The following ALDH1A2 variants were observed in gnomAD, a reference collection of about 807,000 sequenced individuals.
ALDH1A2 encodes the protein retinal dehydrogenase 2.
ALDH1A2 carries 27 observed loss-of-function variants against 60.3 expected under a neutral mutation model. The ratio of observed to expected loss-of-function variants is 0.45; its 90% CI spans 0.33 to 0.62. The LOEUF (loss-of-function observed/expected upper bound fraction) is 0.62. Among genes scored for constraint, ALDH1A2 ranks in the 20% least tolerant of loss-of-function variants. The probability of loss-of-function intolerance (pLI) is 0.02; values close to 1 mark genes in which losing one functional copy is unlikely to be tolerated. For missense variants in ALDH1A2, 581 were observed against 643.8 expected, an observed-to-expected ratio of 0.90 and a Z score of 1.06; for synonymous variants, 289 against 232.4, an observed-to-expected ratio of 1.24 and a Z score of -2.21.
chr15:57,964,146 T>C (rs1255901183), intron 8 of ALDH1A2, 77 bp from the exon 9 acceptor site: 11 of 1,509,762 alleles, frequency 7.3e-6, no homozygotes, highest in East Asian at 2.3e-5. Flanking sequence ...CCCTCCCCTC[T>C]CCAAAGCCCT....
At chr15:57,967,949 C>T (rs1325143387) in intron 7 of ALDH1A2, among the ~76,000 whole-genome samples, 6 of 152,124 alleles carry the variant, frequency 3.9e-5, no homozygotes, top group African/African-American at 1.4e-4. Flanking sequence ...TCTGGGAATG[C>T]TGAAAATTAT....
chr15:58,020,174 C>G (rs1161106364), intron 1 of ALDH1A2, among the ~76,000 whole-genome samples: 1 of 152,184 alleles, frequency 6.6e-6, no homozygotes, highest in East Asian at 1.9e-4. Flanking sequence ...CTTTGTATGG[C>G]TGCATAGTAT....
chr15:58,057,180 C>T (rs1028010107), intron 1 of ALDH1A2, among the ~76,000 whole-genome samples: 1 of 151,926 alleles, frequency 6.6e-6, no homozygotes, highest in Non-Finnish European at 1.5e-5. Flanking sequence ...ATGTCAAGAG[C>T]AGAAACTAAA....
intron 4 of ALDH1A2, among the ~76,000 whole-genome samples, chr15:58,001,052 AAG>A (rs1555402199): frequency 4.0e-5 from 6 of 151,244 alleles, no homozygotes; most frequent in African/African-American, 1.2e-4. Flanking sequence ...AAAAAAAAAA[AAG>A]AATGAAAACA....
intron 3 of ALDH1A2, chr15:58,012,010 T>C (rs1197805477): frequency 6.6e-6 from 1 of 152,162 alleles, no homozygotes; most frequent in Non-Finnish European, 1.5e-5. Context: ...GTGTTTACTT[T>C]GGATGCAGGA....
intron 4 of ALDH1A2, among the ~76,000 whole-genome samples, chr15:58,003,961 G>GGAAACAACATCAAGACTCTTGT (rs60119782): frequency 1.4e-3 from 208 of 151,962 alleles, no homozygotes; most frequent in African/African-American, 4.7e-3. Context: ...GTGTTGTAAA[G>GGAAACAACATCAAGACTCTTGT]GAAACAACAT....
intron 1 of ALDH1A2, among the ~76,000 whole-genome samples, chr15:58,057,410 T>G (rs2140580490): frequency 6.6e-6 from 1 of 152,286 alleles, no homozygotes; most frequent in South Asian, 2.1e-4. Flanking sequence ...TACATATACC[T>G]ATAGTGAAGA....
intron 1 of ALDH1A2, among the ~76,000 whole-genome samples, chr15:58,058,747 G>T (rs1282011595): frequency 2.6e-5 from 4 of 152,184 alleles, no homozygotes; most frequent in African/African-American, 9.7e-5. Flanking sequence ...AGGTCAGACA[G>T]TGATGAGGAA....
intron 1 of ALDH1A2, among the ~76,000 whole-genome samples, chr15:58,031,194 C>T (rs890705355): frequency 1.3e-5 from 2 of 152,090 alleles, no homozygotes; most frequent in South Asian, 2.1e-4. Context: ...ACAACAGAGG[C>T]CTCAGAAATA....
chr15:58,023,469 T>C (rs1453500683), intron 1 of ALDH1A2, among the ~76,000 whole-genome samples: 3 of 152,102 alleles, frequency 2.0e-5, no homozygotes, highest in Admixed American at 1.3e-4. Context: ...AGATACAATA[T>C]GAAAAGGTTT....
chr15:58,060,469 T>C (rs1897000180), intron 1 of ALDH1A2, among the ~76,000 whole-genome samples: 1 of 143,678 alleles, frequency 7.0e-6, no homozygotes, highest in Non-Finnish European at 1.5e-5. Flanking sequence ...ATATCTTTTT[T>C]TTTTTTTTTT....
At chr15:57,956,580 C>T (rs907189273) in intron 12 of ALDH1A2, among the ~76,000 whole-genome samples, 2 of 152,084 alleles carry the variant, frequency 1.3e-5, no homozygotes, top group East Asian at 1.9e-4. Flanking sequence ...TTCTCCTGTC[C>T]GTATAGTTCA....
chr15:57,960,799 T>C lies in ALDH1A2; in HGVS notation c.1455A>G (p.Gly485=). The C allele has an allele frequency of 6.8e-6, 11 of 1,613,948 alleles. No homozygotes were observed. Among genetic ancestry groups the C allele is most frequent in the Non-Finnish European group, 8.5e-6 (10 of 1,179,900 alleles). Residue 485 remains glycine, a synonymous_variant, in exon 12 of 13, where the codon GGA becomes GGG. Transcript: ENST00000249750. ...NALNAQSPFG[G]FKMSGNGREM... Reference sequence around the variant, plus strand: ...CTCTCCCATTTCCAGACATCTTGAATCCCCCAAAGGGGCTCTGGGCATTTA... The same window carrying C: ...CTCTCCCATTTCCAGACATCTTGAACCCCCCAAAGGGGCTCTGGGCATTTA...
chr15:58,031,018 C>A (rs1450415951), intron 1 of ALDH1A2, among the ~76,000 whole-genome samples: 2 of 151,992 alleles, frequency 1.3e-5, no homozygotes, highest in Non-Finnish European at 2.9e-5. Context: ...CTTCAAAGAA[C>A]TGGAAAAAAC....
intron 7 of ALDH1A2, among the ~76,000 whole-genome samples, chr15:57,970,100 TGA>T (rs1331903384): frequency 5.9e-5 from 9 of 152,248 alleles, no homozygotes; most frequent in Non-Finnish European, 1.3e-4. Context: ...CTGCTCATTC[TGA>T]GAGTCTGTTC....
chr15:57,968,514 G>T (rs1893964766), intron 7 of ALDH1A2, among the ~76,000 whole-genome samples: 1 of 152,158 alleles, frequency 6.6e-6, no homozygotes, highest in Non-Finnish European at 1.5e-5. Flanking sequence ...CATTTACTGA[G>T]CACTAATGTG....
At chr15:58,026,560 G>A (rs118067369) in intron 1 of ALDH1A2, among the ~76,000 whole-genome samples, 2,077 of 152,264 alleles carry the variant, frequency 0.014, 21 homozygotes, top group African/African-American at 0.031. Flanking sequence ...AACGCAGGGT[G>A]GGACATCACC....
At chr15:58,043,692 T>A (rs1896573182) in intron 1 of ALDH1A2, among the ~76,000 whole-genome samples, 2 of 151,982 alleles carry the variant, frequency 1.3e-5, no homozygotes, top group African/African-American at 4.8e-5. Flanking sequence ...CTATGCCAAG[T>A]CATCACCAAG....
Position 57,996,343 on chromosome 15 carries a change from A to G in ALDH1A2, c.494-1204T>C, listed in dbSNP as rs1595652441. Among the ~76,000 whole-genome samples, 6 of 149,666 alleles carry G rather than the reference A, an allele frequency of 4.0e-5. No individual in the cohort carries two copies. The South Asian group carries it at 1.3e-3, about 32-fold the overall frequency. ...TCTTACTCTCCCAGTGTCACTCTCT[A>G]TCCTCTGGATCTCTGATCTCTACCC... On this transcript the variant is annotated intron_variant, in intron 4 of 12. Coordinates refer to ENST00000249750, the MANE Select transcript of ALDH1A2 (RefSeq NM_003888.4).
Sources: allele counts gnomAD v4.1 joint callset (sites outside exome capture counted in the v4.1 genomes callset), GRCh38; gene constraint gnomAD v4.1.1; transcripts MANE v1.5; gene names NCBI Gene and HGNC (gene_info 2026-07-23, HGNC 2026-07-21).